NUMB: variants seen among roughly 807,000 people sequenced by gnomAD.
The protein encoded by NUMB is NUMB endocytic adaptor protein, also known as protein numb homolog.
In NUMB, 29 loss-of-function variants were observed where a neutral mutation model predicts 59.7. That is an observed-to-expected ratio of 0.49 (90% CI 0.36 to 0.66). The LOEUF (loss-of-function observed/expected upper bound fraction) is 0.66. NUMB is among the 30% of genes least tolerant of loss of function. The pLI is 0.00. For missense variants in NUMB, 723 were observed against 822.0 expected (o/e 0.88, Z 1.47); for synonymous variants, 288 against 288.2 (o/e 1.00, Z 0.01).
chr14:73,276,631 G>C lies in NUMB; in HGVS notation c.1903C>G (p.Pro635Ala), dbSNP rs1307632331. The C allele has an allele frequency of 6.2e-7, 1 of 1,614,086 alleles. No individual in the cohort carries two copies. The highest frequency in any genetic ancestry group is 1.7e-5 in the Admixed American group (1 of 60,000). The change falls in exon 13 of 13, where the codon CCT becomes GCT. Residue 635 changes from proline (P) to alanine (A), a missense_variant. Pro to Ala is a conservative substitution (Grantham distance 27). Coordinates refer to ENST00000555238, the MANE Select transcript of NUMB (RefSeq NM_001005743.2). ...NKSKQRTNPSPTNPFSSDLQK... is the reference protein window; with the variant it reads ...NKSKQRTNPSATNPFSSDLQK... Reference sequence around the variant, plus strand: ...AAGTCACTGGAGAAAGGGTTGGTAGGGGAGGGATTAGTACGCTGCTTGGAC... The same window carrying C: ...AAGTCACTGGAGAAAGGGTTGGTAGCGGAGGGATTAGTACGCTGCTTGGAC...
intron 1 of NUMB, among the ~76,000 whole-genome samples, chr14:73,435,998 T>C (rs1283018245): frequency 2.0e-5 from 3 of 149,900 alleles, no homozygotes; most frequent in Non-Finnish European, 4.4e-5. Flanking sequence ...AGAGCAAGAC[T>C]CTGTTTCAAA....
chr14:73,418,705 A>G (rs1897232546), intron 1 of NUMB, among the ~76,000 whole-genome samples: 1 of 152,028 alleles, frequency 6.6e-6, no homozygotes, highest in African/African-American at 2.4e-5. Context: ...CGGGAGGCGG[A>G]GGTTGCAGTG....
intron 3 of NUMB, chr14:73,357,059 G>A: frequency 1.1e-6 from 1 of 941,030 alleles, no homozygotes; most frequent in Non-Finnish European, 1.3e-6. Context: ...AATCATTATA[G>A]TAACATAAAA....
intron 2 of NUMB, among the ~76,000 whole-genome samples, chr14:73,377,602 T>C (rs1035232413): frequency 6.6e-6 from 1 of 152,104 alleles, no homozygotes; most frequent in African/African-American, 2.4e-5. Flanking sequence ...ATCATGCCAT[T>C]ACACTCCAGC....
intron 2 of NUMB, among the ~76,000 whole-genome samples, chr14:73,380,497 CAT>C (rs991812516): frequency 7.2e-5 from 11 of 152,146 alleles, no homozygotes; most frequent in African/African-American, 1.9e-4. Flanking sequence ...CTCTAGCACA[CAT>C]GTCACTTTCA....
At chr14:73,401,238 G>A (rs1444299817) in intron 2 of NUMB, among the ~76,000 whole-genome samples, 1 of 152,126 alleles carries the variant, frequency 6.6e-6, no homozygotes. Flanking sequence ...GTATTGGTTT[G>A]ATTTTTCTTA....
At chr14:73,390,637 T>A (rs1257497581) in intron 2 of NUMB, among the ~76,000 whole-genome samples, 1 of 104,546 alleles carries the variant, frequency 9.6e-6, no homozygotes, top group South Asian at 3.1e-4. Flanking sequence ...AAAAACAAAG[T>A]CTTTTTTTTT....
chr14:73,364,597 C>T (rs1211123476), intron 3 of NUMB, among the ~76,000 whole-genome samples: 1 of 152,066 alleles, frequency 6.6e-6, no homozygotes, highest in African/African-American at 2.4e-5. Context: ...AAAATAAGTA[C>T]TTCCTTTAAA....
At chr14:73,351,811 C>A (rs1726931465) in intron 4 of NUMB, among the ~76,000 whole-genome samples, 1 of 151,832 alleles carries the variant, frequency 6.6e-6, no homozygotes, top group East Asian at 2.0e-4. Context: ...CCCGTCTCTA[C>A]TAAAAATACA....
intron 2 of NUMB, among the ~76,000 whole-genome samples, chr14:73,408,150 C>T (rs1411576640): frequency 6.6e-6 from 1 of 151,950 alleles, no homozygotes; most frequent in East Asian, 1.9e-4. Context: ...TGGCATGAAC[C>T]TGGGAGGCAG....
chr14:73,353,380 C>T, intron 4 of NUMB, among the ~76,000 whole-genome samples: 1 of 150,558 alleles, frequency 6.6e-6, no homozygotes, highest in Non-Finnish European at 1.5e-5. Context: ...AGCCACTGTG[C>T]CTGGCCTGTC....
At chr14:73,300,987 G>A (rs1353484498) in intron 6 of NUMB, among the ~76,000 whole-genome samples, 2 of 152,154 alleles carry the variant, frequency 1.3e-5, no homozygotes, top group Non-Finnish European at 2.9e-5. Flanking sequence ...ACCAGCAACA[G>A]TAACTGCTCA....
intron 6 of NUMB, among the ~76,000 whole-genome samples, chr14:73,309,255 T>G (rs969933050): frequency 2.6e-5 from 4 of 152,158 alleles, no homozygotes; most frequent in African/African-American, 9.7e-5. Context: ...CATTCTACTA[T>G]AAAGACACTT....
chr14:73,280,994 T>C (rs756928596), intron 11 of NUMB, among the ~76,000 whole-genome samples: 6 of 152,234 alleles, frequency 3.9e-5, no homozygotes, highest in South Asian at 2.1e-4. Context: ...CCAGCCGGTG[T>C]TGGTACTGTT....
intron 2 of NUMB, among the ~76,000 whole-genome samples, chr14:73,367,208 C>T (rs961733185): frequency 1.3e-5 from 2 of 150,394 alleles, no homozygotes; most frequent in African/African-American, 2.5e-5. Flanking sequence ...TTCTCTAATA[C>T]GTGACAAATA....
At chr14:73,400,865 C>T (rs1896376405) in intron 2 of NUMB, among the ~76,000 whole-genome samples, 1 of 152,226 alleles carries the variant, frequency 6.6e-6, no homozygotes, top group South Asian at 2.1e-4. Context: ...TTGCCCTATG[C>T]ATCTCTTCCA....
intron 6 of NUMB, among the ~76,000 whole-genome samples, chr14:73,314,518 C>G (rs1052698956): frequency 6.6e-6 from 1 of 152,066 alleles, no homozygotes; most frequent in Non-Finnish European, 1.5e-5. Flanking sequence ...GCATCATGGC[C>G]CCATTATACG....
intron 7 of NUMB, among the ~76,000 whole-genome samples, chr14:73,294,256 G>A (rs937041727): frequency 3.3e-4 from 50 of 152,160 alleles, no homozygotes; most frequent in African/African-American, 1.1e-3. Flanking sequence ...CATCCAGGCT[G>A]GAGTGCAGTG....
chr14:73,443,802 C>T (rs1287337755), intron 1 of NUMB, among the ~76,000 whole-genome samples: 1 of 151,970 alleles, frequency 6.6e-6, no homozygotes, highest in African/African-American at 2.4e-5. Flanking sequence ...AGACGCCCAC[C>T]ACCAAGCCCA....
Sources: gnomAD v4.1 joint callset for allele counts (sites outside exome capture counted in the v4.1 genomes callset) on GRCh38, gnomAD v4.1.1 for gene constraint, MANE v1.5 for transcripts, NCBI Gene and HGNC (gene_info 2026-07-23, HGNC 2026-07-21) for gene names.